MARCHF1: variants seen among roughly 807,000 people sequenced by gnomAD.
The protein encoded by MARCHF1 is E3 ubiquitin-protein ligase MARCHF1.
A neutral mutation model predicts 54.2 loss-of-function variants in MARCHF1; 40 were observed. That is an observed-to-expected ratio of 0.74 (90% CI 0.57 to 0.96). MARCHF1 has a LOEUF of 0.96. Ranked by LOEUF, MARCHF1 falls within the 40% of genes least tolerant of loss-of-function variation. The probability of loss-of-function intolerance (pLI) is 0.00; values close to 1 mark genes in which losing one functional copy is unlikely to be tolerated. For synonymous variants in MARCHF1, 236 were observed against 236.3 expected (o/e 1.00, Z 0.01); for missense variants, 586 against 656.5 (o/e 0.89, Z 1.17).
chr4:163,707,374 G>T (rs980394515), intron 4 of MARCHF1, among the ~76,000 whole-genome samples: 2 of 151,754 alleles, frequency 1.3e-5, no homozygotes, highest in African/African-American at 4.8e-5. Flanking sequence ...GCAACAGTAA[G>T]GAATCAAATA....
intron 3 of MARCHF1, among the ~76,000 whole-genome samples, chr4:163,892,058 G>GT (rs1215214250): frequency 6.6e-6 from 1 of 151,814 alleles, no homozygotes; most frequent in Admixed American, 6.6e-5. Flanking sequence ...CACTGACATT[G>GT]TAACAATTTA....
chr4:163,908,230 A>G (rs1751112957), intron 3 of MARCHF1, among the ~76,000 whole-genome samples: 1 of 152,170 alleles, frequency 6.6e-6, no homozygotes, highest in Non-Finnish European at 1.5e-5. Context: ...GCATACATCA[A>G]AATGAAAATT....
At chr4:163,917,971 G>A (rs537781126) in intron 3 of MARCHF1, among the ~76,000 whole-genome samples, 22 of 152,192 alleles carry the variant, frequency 1.4e-4, no homozygotes, top group African/African-American at 4.8e-4. Context: ...CTTTGCCTGT[G>A]CCTATGTCCT....
intron 4 of MARCHF1, among the ~76,000 whole-genome samples, chr4:163,777,055 C>A (rs1221799499): frequency 6.6e-6 from 1 of 152,070 alleles, no homozygotes; most frequent in Non-Finnish European, 1.5e-5. Context: ...AAGACATAGC[C>A]TTTCAATCTA....
chr4:164,086,629 A>G (rs1254249854), intron 2 of MARCHF1, among the ~76,000 whole-genome samples: 1 of 152,054 alleles, frequency 6.6e-6, no homozygotes, highest in Non-Finnish European at 1.5e-5. Context: ...GGTAGAGTTA[A>G]TATTTAAGCC....
chr4:163,885,585 C>T (rs941430069), intron 3 of MARCHF1, among the ~76,000 whole-genome samples: 2 of 151,952 alleles, frequency 1.3e-5, no homozygotes, highest in African/African-American at 2.4e-5. Flanking sequence ...AGCAGTGGGC[C>T]TTGACATCTA....
chr4:164,371,516 T>C (rs954250906), intron 1 of MARCHF1, among the ~76,000 whole-genome samples: 11 of 152,070 alleles, frequency 7.2e-5, no homozygotes, highest in Non-Finnish European at 1.3e-4. Context: ...AGTTAGTACT[T>C]AGAGTATACA....
intron 1 of MARCHF1, among the ~76,000 whole-genome samples, chr4:164,165,065 G>A (rs1244129115): frequency 6.6e-6 from 1 of 151,984 alleles, no homozygotes; most frequent in Non-Finnish European, 1.5e-5. Context: ...ATACCCATAA[G>A]TTTAAAGAGC....
intron 5 of MARCHF1, among the ~76,000 whole-genome samples, chr4:163,659,499 A>C (rs1743267139): frequency 6.6e-6 from 1 of 152,140 alleles, no homozygotes; most frequent in Non-Finnish European, 1.5e-5. Context: ...ATGGGCAAAG[A>C]CTTCATGACC....
chr4:163,756,773 G>T (rs1327408421), intron 4 of MARCHF1, among the ~76,000 whole-genome samples: 1 of 151,956 alleles, frequency 6.6e-6, no homozygotes, highest in East Asian at 1.9e-4. Context: ...TTATATTCAG[G>T]TGTCTAGTAT....
chr4:163,619,064 GT>G (rs1741599200), intron 5 of MARCHF1, among the ~76,000 whole-genome samples: 1 of 152,160 alleles, frequency 6.6e-6, no homozygotes, highest in African/African-American at 2.4e-5. Flanking sequence ...TCTACAGAAA[GT>G]TTTGTAATGA....
chr4:164,132,847 TATC>T (rs1482260168), intron 1 of MARCHF1, among the ~76,000 whole-genome samples: 1 of 152,150 alleles, frequency 6.6e-6, no homozygotes, highest in African/African-American at 2.4e-5. Context: ...ATTTATAAAT[TATC>T]ATTAGGGTCC....
intron 4 of MARCHF1, among the ~76,000 whole-genome samples, chr4:163,740,858 T>C (rs1430467257): frequency 6.6e-6 from 1 of 152,194 alleles, no homozygotes; most frequent in South Asian, 2.1e-4. Context: ...AGATACATAG[T>C]GGCAACCACA....
chr4:163,847,336 T>C (rs1749513109), intron 4 of MARCHF1, among the ~76,000 whole-genome samples: 1 of 152,160 alleles, frequency 6.6e-6, no homozygotes, highest in South Asian at 2.1e-4. Context: ...TTATTAATAC[T>C]TAGGCTGTGT....
chr4:164,112,133 A>T (rs1755845043), intron 1 of MARCHF1, among the ~76,000 whole-genome samples: 1 of 151,874 alleles, frequency 6.6e-6, no homozygotes. Flanking sequence ...CATAATGAGG[A>T]TGAGTAAAAG....
At chr4:164,103,843 G>A in intron 2 of MARCHF1, among the ~76,000 whole-genome samples, 1 of 137,306 alleles carries the variant, frequency 7.3e-6, no homozygotes, top group Non-Finnish European at 1.5e-5. Context: ...TTTTTGAAAG[G>A]ATCAACAAAA....
chr4:164,230,226 T>C (rs1579641851), intron 1 of MARCHF1, among the ~76,000 whole-genome samples: 1 of 152,010 alleles, frequency 6.6e-6, no homozygotes, highest in Non-Finnish European at 1.5e-5. Context: ...TGAAACCCCA[T>C]CTCTACTAAA....
In MARCHF1 at chr4:163,719,229, G is replaced by A. The variant is rs183154964; in HGVS notation, c.112-18366C>T. Among the ~76,000 whole-genome samples, 89 of 145,388 alleles carry A rather than the reference G, an allele frequency of 6.1e-4. 1 individual carries two copies. The East Asian group carries it at 0.017, about 28-fold the overall frequency. On this transcript the variant is annotated intron_variant, in intron 4 of 9. Transcript: ENST00000514618. ...TGGTGTGTGATGTTCCCCTTCCTAT[G>A]TCCAAGTGTTCTCATTGTTCAATTG...
chr4:164,315,493 G>C (rs1734973317), intron 1 of MARCHF1, among the ~76,000 whole-genome samples: 1 of 152,146 alleles, frequency 6.6e-6, no homozygotes, highest in African/African-American at 2.4e-5. Context: ...GCCAACTACA[G>C]TATCATAGGA....
Sources: allele counts gnomAD v4.1 joint callset (sites outside exome capture counted in the v4.1 genomes callset), GRCh38; gene constraint gnomAD v4.1.1; transcripts MANE v1.5; gene names NCBI Gene and HGNC (gene_info 2026-07-23, HGNC 2026-07-21).